ARMH4: variants seen among roughly 807,000 people sequenced by gnomAD.
The protein encoded by ARMH4 is armadillo like helical domain containing 4, also known as armadillo-like helical domain-containing protein 4.
A neutral mutation model predicts 61.9 loss-of-function variants in ARMH4; 49 were observed. That is an observed-to-expected ratio of 0.79 (90% confidence interval 0.63 to 1.00). The LOEUF is 1.00. Ranked by LOEUF, ARMH4 falls within the 50% of genes least tolerant of loss-of-function variation. The pLI is 0.00. For synonymous variants in ARMH4, 368 were observed against 341.5 expected (o/e 1.08, Z -0.85); for missense variants, 934 against 930.0 (o/e 1.00, Z -0.06).
At chr14:58,049,381 G>A (rs1884060548) in intron 5 of ARMH4, among the ~76,000 whole-genome samples, 1 of 152,084 alleles carries the variant, frequency 6.6e-6, no homozygotes, top group South Asian at 2.1e-4. Context: ...CAAAGATACT[G>A]TCTTCCTGTC....
rs901919725 is a variant in ARMH4 at position 58,004,472 on chromosome 14, A to C, written c.*264T>G. ...AATGTAGCAACTCCTACTGAAAAAC[A>C]TATATGTTGCATATTTATGAGTTGT... On this transcript the variant is annotated 3_prime_UTR_variant, in exon 8 of 8. Coordinates refer to ENST00000267485, the MANE Select transcript of ARMH4 (RefSeq NM_001001872.4). 1 of 307,002 alleles carries C rather than the reference A, an allele frequency of 3.3e-6. No individual in the cohort carries two copies. Among genetic ancestry groups the C allele is most frequent in the Non-Finnish European group, 6.1e-6 (1 of 164,948 alleles). 19.0% of individuals were successfully genotyped at this position (307,002 alleles called of 1,614,324 possible). A position where few individuals can be genotyped will look rare whatever the true frequency, so the allele number is the denominator to read the frequency against.
intron 5 of ARMH4, among the ~76,000 whole-genome samples, chr14:58,048,500 C>A (rs1436854491): frequency 6.6e-6 from 1 of 152,222 alleles, no homozygotes; most frequent in Non-Finnish European, 1.5e-5. Flanking sequence ...TCCCGTAACA[C>A]TGACCAGTGC....
intron 5 of ARMH4, among the ~76,000 whole-genome samples, chr14:58,059,417 C>T (rs1001770462): frequency 1.3e-5 from 2 of 152,234 alleles, no homozygotes; most frequent in East Asian, 3.8e-4. Context: ...GGCAAGATTT[C>T]AGAAGAGCCC....
chr14:58,096,938 A>C lies in ARMH4; in HGVS notation c.1875T>G (p.Asp625Glu). 6.2e-7 allele frequency: 1 copy of C among 1,612,962 alleles called. No individual in the cohort carries two copies. Among genetic ancestry groups the C allele is most frequent in the Non-Finnish European group, 8.5e-7 (1 of 1,179,796 alleles). Residue 625 changes from aspartate (D) to glutamate (E), a missense_variant, in exon 5 of 8, where the codon GAT becomes GAG. Physicochemically the swap from Asp to Glu is conservative, Grantham distance 45. Coordinates refer to ENST00000267485, the MANE Select transcript of ARMH4 (RefSeq NM_001001872.4). ...DEDEEDEEDE[D>E]EEEEDEEEDE... ...CTTCTTCCTCATCTTCCTCTTCTTC[A>C]TCTTCATCTTCTTCATCCTCTTCAT...
intron 4 of ARMH4, among the ~76,000 whole-genome samples, chr14:58,112,480 G>A (rs1886386641): frequency 6.6e-6 from 1 of 151,552 alleles, no homozygotes; most frequent in Middle Eastern, 3.4e-3. Context: ...CTTTAACCCT[G>A]GCTATATCTT....
chr14:58,061,480 A>G (rs575776036), intron 5 of ARMH4, among the ~76,000 whole-genome samples: 1 of 152,304 alleles, frequency 6.6e-6, no homozygotes, highest in East Asian at 1.9e-4. Flanking sequence ...CTGACACTGT[A>G]GCTTTCCATC....
intron 5 of ARMH4, among the ~76,000 whole-genome samples, chr14:58,050,576 A>G (rs1213650508): frequency 6.6e-6 from 1 of 152,170 alleles, no homozygotes; most frequent in Admixed American, 6.5e-5. Context: ...AAGGTAAGGA[A>G]GAGCTGAGCT....
intron 5 of ARMH4, among the ~76,000 whole-genome samples, chr14:58,073,533 T>C (rs923624865): frequency 9.2e-5 from 14 of 152,180 alleles, no homozygotes; most frequent in African/African-American, 3.1e-4. Flanking sequence ...TAACAAGCAA[T>C]CAACTGTTAC....
intron 6 of ARMH4, among the ~76,000 whole-genome samples, chr14:58,009,807 C>CAAAA (rs1180997628): frequency 8.6e-5 from 4 of 46,770 alleles, no homozygotes; most frequent in Admixed American, 2.5e-4. Context: ...CAAGACTCTG[C>CAAAA]AAAAAAAAAA....
At chr14:58,091,155 T>C (rs1885551871) in intron 5 of ARMH4, among the ~76,000 whole-genome samples, 2 of 151,458 alleles carry the variant, frequency 1.3e-5, no homozygotes, top group Admixed American at 1.3e-4. Flanking sequence ...GAGGTTGTAG[T>C]GAGCCAAGAT....
chr14:58,143,521 T>G (rs1887632396), intron 1 of ARMH4, among the ~76,000 whole-genome samples: 1 of 152,212 alleles, frequency 6.6e-6, no homozygotes, highest in African/African-American at 2.4e-5. Flanking sequence ...TGGAGTGCAC[T>G]GATGCCATCT....
Position 58,072,705 on chromosome 14 carries a change from G to A in ARMH4, c.2089+24019C>T, listed in dbSNP as rs1282366157. On this transcript the variant is annotated intron_variant, in intron 5 of 7. Transcript: ENST00000267485. ...CCACTGCATTCTAGCCTGCGCAACA[G>A]AGTGAGACTCCATCTAAAAAAAAAA... 2.0e-5 allele frequency among the ~76,000 whole-genome samples: 3 copies of A among 151,922 alleles called. No homozygotes were observed. In the South Asian group the frequency reaches 6.2e-4, roughly 32 times the overall value.
At chr14:58,075,779 A>G (rs1304860701) in intron 5 of ARMH4, among the ~76,000 whole-genome samples, 1 of 152,166 alleles carries the variant, frequency 6.6e-6, no homozygotes, top group African/African-American at 2.4e-5. Flanking sequence ...TCAAAAAGAA[A>G]AAAGAGCAGC....
At chr14:58,133,977 C>T (rs1887217062) in intron 2 of ARMH4, among the ~76,000 whole-genome samples, 2 of 152,186 alleles carry the variant, frequency 1.3e-5, no homozygotes, top group African/African-American at 4.8e-5. Context: ...TAGTCACTTA[C>T]TAGCTGTGTA....
intron 4 of ARMH4, among the ~76,000 whole-genome samples, chr14:58,104,678 T>C (rs1484992883): frequency 6.6e-6 from 1 of 152,230 alleles, no homozygotes; most frequent in Non-Finnish European, 1.5e-5. Context: ...TCACCTTTCT[T>C]CAAATTAGCA....
chr14:58,054,980 A>G (rs949520221), intron 5 of ARMH4, among the ~76,000 whole-genome samples: 3 of 151,902 alleles, frequency 2.0e-5, no homozygotes, highest in Non-Finnish European at 4.4e-5. Context: ...ATGATTTCCC[A>G]CCTGTCCTGG....
At position 58,133,073 on chromosome 14, in the gene ARMH4, T is replaced by C; in HGVS notation, c.1621+17A>G. The C allele has an allele frequency of 6.2e-7, 1 of 1,613,534 alleles. No homozygotes were observed. Among genetic ancestry groups the C allele is most frequent in the Non-Finnish European group, 8.5e-7 (1 of 1,179,624 alleles). On this transcript the variant is annotated intron_variant, in intron 3 of 7. Transcript: ENST00000267485. ...GATCCACCCCCAAAACAGAGTCCAATATCCTCCCTTACAGACCTTCCACAG... is the reference window on the plus strand; with the variant it reads ...GATCCACCCCCAAAACAGAGTCCAACATCCTCCCTTACAGACCTTCCACAG...
At chr14:58,083,140 T>G (rs1293165631) in intron 5 of ARMH4, among the ~76,000 whole-genome samples, 1 of 152,206 alleles carries the variant, frequency 6.6e-6, no homozygotes, top group East Asian at 1.9e-4. Context: ...CCACTGAGAC[T>G]TTAGAGTTGT....
At chr14:58,101,590 T>C (rs1885978516) in intron 4 of ARMH4, 1 of 151,780 alleles carries the variant, frequency 6.6e-6, no homozygotes, top group Non-Finnish European at 1.5e-5. Flanking sequence ...AAAGAGAAAC[T>C]CAAGCAAGTC....
Sources: gnomAD v4.1 joint callset for allele counts (sites outside exome capture counted in the v4.1 genomes callset) on GRCh38, gnomAD v4.1.1 for gene constraint, MANE v1.5 for transcripts, NCBI Gene and HGNC (gene_info 2026-07-23, HGNC 2026-07-21) for gene names.